The following CYP1A2 variants were observed in gnomAD, a reference collection of about 807,000 sequenced individuals.
CYP1A2 encodes the protein cytochrome P450 family 1 subfamily A member 2, also known as cytochrome P450 1A2.
CYP1A2 carries 35 observed loss-of-function variants against 34.7 expected under a neutral mutation model. That is an observed-to-expected ratio of 1.01 (90% CI 0.77 to 1.34). CYP1A2 has a LOEUF of 1.34. CYP1A2 is among the 40% of genes most tolerant of loss of function. The pLI is 0.00. For missense variants in CYP1A2, 675 were observed against 675.8 expected (o/e 1.00, Z 0.01); for synonymous variants, 288 against 281.9 (o/e 1.02, Z -0.22).
intron 3 of CYP1A2, 29 bp downstream of exon 3, chr15:74,751,338 C>G: frequency 6.2e-7 from 1 of 1,612,594 alleles, no homozygotes; most frequent in Non-Finnish European, 8.5e-7. Flanking sequence ...CCCCTCCATC[C>G]AACAATGCCT....
chr15:74,755,173 TA>T lies in CYP1A2; in HGVS notation c.*91del. The stretch of plus-strand genomic sequence containing the variant: ...CCTTGTTTCTCTTCCTTTCTTTTTT[TA>T]AAAAATAGCAGCTTTAGCCAAGTGC... On this transcript the variant is annotated 3_prime_UTR_variant, in exon 7 of 7. Transcript: ENST00000343932. 1 of 1,465,302 alleles carries T rather than the reference TA, an allele frequency of 6.8e-7. No homozygotes were observed. The highest frequency in any genetic ancestry group is 2.0e-5 in the Admixed American group (1 of 49,026). The allele number at this position is 1,465,302 out of a possible 1,614,324, so 90.8% of individuals were successfully genotyped here.
In CYP1A2 at chr15:74,754,829, G is replaced by T. The variant is rs1328210184; in HGVS notation, c.1292G>T (p.Arg431Leu). ...WEDPSEFRPE[R>L]FLTADGTAIN... ...GACCCCTCTGAGTTCCGGCCTGAGCGGTTCCTCACCGCCGATGGCACTGCC... is the reference window on the plus strand; with the variant it reads ...GACCCCTCTGAGTTCCGGCCTGAGCTGTTCCTCACCGCCGATGGCACTGCC... The change falls in exon 7 of 7, where the codon CGG (arginine) becomes CTG (leucine). Residue 431 changes from arginine to leucine, a missense_variant. Physicochemically the swap from Arg to Leu is moderately radical, Grantham distance 102. Coordinates refer to ENST00000343932, the MANE Select transcript of CYP1A2 (RefSeq NM_000761.5). 1 of 1,614,082 alleles carries T rather than the reference G, an allele frequency of 6.2e-7. No homozygotes were observed. The highest frequency in any genetic ancestry group is 1.7e-5 in the Admixed American group (1 of 60,008).
In CYP1A2 at chr15:74,749,930, A is replaced by C. The variant is rs1237099155; in HGVS notation, c.192A>C (p.Ala64=). The C allele has an allele frequency of 1.2e-6, 2 of 1,611,470 alleles. No individual in the cohort carries two copies. The highest frequency in any genetic ancestry group is 8.5e-7 in the Non-Finnish European group (1 of 1,177,990). ...VLTLGKNPHL[A]LSRMSQRYGD... ...CCCTGGGGAAGAACCCGCACCTGGCACTGTCAAGGATGAGCCAGCGCTACG... is the reference window on the plus strand; with the variant it reads ...CCCTGGGGAAGAACCCGCACCTGGCCCTGTCAAGGATGAGCCAGCGCTACG... Residue 64 remains alanine (A), a synonymous_variant, in exon 2 of 7, where the codon GCA becomes GCC. Coordinates refer to ENST00000343932, the MANE Select transcript of CYP1A2 (RefSeq NM_000761.5).
Position 74,752,157 on chromosome 15 carries a change from T to C in CYP1A2, c.1076T>C (p.Leu359Pro), listed in dbSNP as rs2063318748. 2 of 1,613,928 alleles carry C rather than the reference T, an allele frequency of 1.2e-6. No homozygotes were observed. The highest frequency in any genetic ancestry group is 1.3e-5 in the African/African-American group (1 of 74,874). Residue 359 changes from leucine to proline, a missense_variant, in exon 5 of 7, where the codon CTC (leucine) becomes CCC (proline). Coordinates refer to ENST00000343932, the MANE Select transcript of CYP1A2 (RefSeq NM_000761.5). ...ATTGGCAGGGAGCGGCGGCCCCGGCTCTCTGACAGACCCCAGCTGCCCTAC... is the reference window on the plus strand; with the variant it reads ...ATTGGCAGGGAGCGGCGGCCCCGGCCCTCTGACAGACCCCAGCTGCCCTAC... ...TVIGRERRPR[L>P]SDRPQLPYLE... is the part of the protein sequence containing the mutation.
In CYP1A2 at chr15:74,755,232, AG is replaced by A; in HGVS notation, c.*146del. On this transcript the variant is annotated 3_prime_UTR_variant, in exon 7 of 7. Transcript: ENST00000343932. The stretch of plus-strand genomic sequence containing the variant: ...GTAATCCCAGCATTTTAGGAGGCCA[AG>A]GTTGGAGGATCATTTGAGCCCAGGA... The A allele has an allele frequency of 2.2e-6, 2 of 903,356 alleles. No homozygotes were observed. Among genetic ancestry groups the A allele is most frequent in the Non-Finnish European group, 3.2e-6 (2 of 616,582 alleles). 56.0% of individuals were successfully genotyped at this position (903,356 alleles called of 1,614,324 possible).
intron 5 of CYP1A2, 24 bp from the exon 6 acceptor site, chr15:74,753,160 C>G (rs778340906): frequency 2.6e-5 from 42 of 1,606,180 alleles, no homozygotes; most frequent in Non-Finnish European, 2.4e-5. Flanking sequence ...CCCTGAGCCT[C>G]ACAGTGCCCT....
In CYP1A2 at chr15:74,752,214, ACTC is replaced by A. The variant is rs757356377; in HGVS notation, c.1139_1141del (p.Ser380del). ...GCCTTCATCCTGGAGACCTTCCGAC[ACTC>A]CTCCTTCTTGCCCTTCACCATCCCC... On this transcript the variant is annotated inframe_deletion, in exon 5 of 7. Transcript: ENST00000343932. The A allele has an allele frequency of 1.2e-6, 2 of 1,612,844 alleles. No homozygotes were observed. Among genetic ancestry groups the A allele is most frequent in the East Asian group, 2.2e-5 (1 of 44,816 alleles).
At chr15:74,753,870 C>G (rs994282847) in intron 6 of CYP1A2, among the ~76,000 whole-genome samples, 1 of 152,082 alleles carries the variant, frequency 6.6e-6, no homozygotes, top group African/African-American at 2.4e-5. Flanking sequence ...TGGAAAGCCC[C>G]ACTTTAGTGT....
At chr15:74,753,363 AG>A in intron 6 of CYP1A2, 93 bp downstream of exon 6, 3 of 1,004,172 alleles carry the variant, frequency 3.0e-6, no homozygotes, top group Non-Finnish European at 4.6e-6. Context: ...TAATGAAAGG[AG>A]GGGACCTCAA....
Position 74,754,894 on chromosome 15 carries a change from A to G in CYP1A2, c.1357A>G (p.Met453Val). The G allele has an allele frequency of 1.9e-6, 3 of 1,614,232 alleles. No individual in the cohort carries two copies. The highest frequency in any genetic ancestry group is 1.3e-5 in the African/African-American group (1 of 75,060). The change falls in exon 7 of 7, where the codon ATG (methionine) becomes GTG (valine). Residue 453 changes from methionine (M) to valine (V), a missense_variant. Met to Val is a conservative substitution (Grantham distance 21). Coordinates refer to ENST00000343932, the MANE Select transcript of CYP1A2 (RefSeq NM_000761.5). ...PLSEKMMLFG[M>V]GKRRCIGEVL... is the part of the protein sequence containing the mutation. Reference sequence around the variant, plus strand: ...GAGTGAGAAGATGATGCTGTTTGGCATGGGCAAGCGCCGGTGTATCGGGGA... The same window carrying G: ...GAGTGAGAAGATGATGCTGTTTGGCGTGGGCAAGCGCCGGTGTATCGGGGA...
At chr15:74,753,888 G>A (rs2063327109) in intron 6 of CYP1A2, among the ~76,000 whole-genome samples, 1 of 152,146 alleles carries the variant, frequency 6.6e-6, no homozygotes, top group South Asian at 2.1e-4. Flanking sequence ...TGTATAGGTA[G>A]GGGGACCATA....
chr15:74,749,918 C>G lies in CYP1A2; in HGVS notation c.180C>G (p.Asn60Lys). Residue 60 changes from asparagine (N) to lysine (K), a missense_variant, in exon 2 of 7, where the codon AAC becomes AAG. By Grantham distance (94) the Asn-to-Lys change is moderately conservative. Coordinates refer to ENST00000343932, the MANE Select transcript of CYP1A2 (RefSeq NM_000761.5). The stretch of plus-strand genomic sequence containing the variant: ...GGCATGTGCTGACCCTGGGGAAGAA[C>G]CCGCACCTGGCACTGTCAAGGATGA... ...LLGHVLTLGK[N>K]PHLALSRMSQ... 6.2e-7 allele frequency: 1 copy of G among 1,610,810 alleles called. No homozygotes were observed. The highest frequency in any genetic ancestry group is 8.5e-7 in the Non-Finnish European group (1 of 1,177,438).
Position 74,754,951 on chromosome 15 carries a change from C to T in CYP1A2, c.1414C>T (p.Leu472=). Residue 472 remains leucine, a synonymous_variant, in exon 7 of 7, where the codon CTG becomes TTG. Coordinates refer to ENST00000343932, the MANE Select transcript of CYP1A2 (RefSeq NM_000761.5). ...VLAKWEIFLF[L]AILLQQLEFS... is the part of the protein sequence containing the mutation. ...GGCCAAGTGGGAGATCTTCCTCTTC[C>T]TGGCCATCCTGCTACAGCAACTGGA... 6.2e-7 allele frequency: 1 copy of T among 1,614,258 alleles called. No individual in the cohort carries two copies. Among genetic ancestry groups the T allele is most frequent in the Non-Finnish European group, 8.5e-7 (1 of 1,180,056 alleles).
At chr15:74,751,679 G>A in intron 3 of CYP1A2, 86 bp from the exon 4 acceptor site, 2 of 1,332,692 alleles carry the variant, frequency 1.5e-6, no homozygotes, top group Non-Finnish European at 1.1e-6. Context: ...AGCTAATGCT[G>A]GATACATACA....
chr15:74,750,569 G>A lies in CYP1A2; in HGVS notation c.831G>A (p.Lys277=), dbSNP rs1038333951. The stretch of plus-strand genomic sequence containing the variant: ...AGGAGCACTATCAGGACTTTGACAA[G>A]GTGAGCCCGGGGTGCAGGTGGCAAG... The part of the protein sequence containing the change: ...TVQEHYQDFD[K]NSVRDITGAL... The change falls in exon 2 of 7, where the codon AAG becomes AAA. Residue 277 remains lysine, a splice_region_variant and synonymous_variant. Coordinates refer to ENST00000343932, the MANE Select transcript of CYP1A2 (RefSeq NM_000761.5). The A allele has an allele frequency of 6.2e-7, 1 of 1,611,706 alleles. No individual in the cohort carries two copies. The highest frequency in any genetic ancestry group is 1.7e-5 in the Admixed American group (1 of 59,972).
rs1288583892 is a variant in CYP1A2, at chr15:74,755,007, CCTGACCCCCATCTACGGG to C, written c.1477_1494del (p.Pro493_Thr498del). On this transcript the variant is annotated inframe_deletion, in exon 7 of 7. Coordinates refer to ENST00000343932, the MANE Select transcript of CYP1A2 (RefSeq NM_000761.5). ...GCGTGCCGCCGGGCGTGAAAGTCGA[CCTGACCCCCATCTACGGG>C]CTGACCATGAAGCACGCCCGCTGTG... 7 of 1,614,234 alleles carry C rather than the reference CCTGACCCCCATCTACGGG, an allele frequency of 4.3e-6. No individual in the cohort carries two copies. The highest frequency in any genetic ancestry group is 1.6e-4 in the Middle Eastern group (1 of 6,062).
rs1425097297 is a variant in CYP1A2, at chr15:74,750,175, CCTT to C, written c.440_442del (p.Phe147del). 6.2e-7 allele frequency: 1 copy of C among 1,614,178 alleles called. No individual in the cohort carries two copies. The highest frequency in any genetic ancestry group is 8.5e-7 in the Non-Finnish European group (1 of 1,180,026). On this transcript the variant is annotated inframe_deletion, in exon 2 of 7. Coordinates refer to ENST00000343932, the MANE Select transcript of CYP1A2 (RefSeq NM_000761.5). ...CGCCTGGCCCAGAATGCCCTCAACA[CCTT>C]CTCCATCGCCTCTGACCCAGCTTCC...
At chr15:74,751,676 G>C (rs1242364852) in intron 3 of CYP1A2, 89 bp from the exon 4 acceptor site, 4 of 1,307,594 alleles carry the variant, frequency 3.1e-6, no homozygotes, top group Non-Finnish European at 4.3e-6. Context: ...GAAAGCTAAT[G>C]CTGGATACAT....
chr15:74,753,085 G>C (rs2063323867), intron 5 of CYP1A2, 99 bp from the exon 6 acceptor site: 2 of 818,604 alleles, frequency 2.4e-6, no homozygotes, highest in Middle Eastern at 3.4e-4. Context: ...TAGGGATGGA[G>C]ATGGCGGTGG....
Sources: gnomAD v4.1 joint callset for allele counts (sites outside exome capture counted in the v4.1 genomes callset) on GRCh38, gnomAD v4.1.1 for gene constraint, MANE v1.5 for transcripts, NCBI Gene and HGNC (gene_info 2026-07-23, HGNC 2026-07-21) for gene names.